NCAPG2: variants seen among roughly 807,000 people sequenced by gnomAD.
NCAPG2 encodes non-SMC condensin II complex subunit G2.
Under a neutral mutation model 141.1 loss-of-function variants are expected in NCAPG2, and 53 were observed. That is an observed-to-expected ratio of 0.38 (90% CI 0.30 to 0.47). The LOEUF (loss-of-function observed/expected upper bound fraction) is 0.47, where lower values mean the gene tolerates loss of function less well. Among genes scored for constraint, NCAPG2 ranks in the 20% least tolerant of loss-of-function variants. NCAPG2 has a pLI of 0.99. For synonymous variants in NCAPG2, 499 were observed against 490.7 expected (o/e 1.02, Z -0.22); for missense variants, 1,087 against 1,389.0 (o/e 0.78, Z 3.46).
intron 15 of NCAPG2, 60 bp from the exon 16 acceptor site, chr7:158,662,427 C>T: frequency 2.1e-6 from 3 of 1,419,148 alleles, no homozygotes; most frequent in Non-Finnish European, 2.8e-6. Flanking sequence ...TAAAAGGTAA[C>T]AGCATCTCAG....
At chr7:158,639,251 G>T (rs1830481887) in intron 27 of NCAPG2, among the ~76,000 whole-genome samples, 1 of 152,098 alleles carries the variant, frequency 6.6e-6, no homozygotes, top group African/African-American at 2.4e-5. Context: ...GGGACCACAG[G>T]TGAGTGCCAC....
chr7:158,642,267 G>A (rs1830700271), intron 27 of NCAPG2, among the ~76,000 whole-genome samples: 1 of 152,198 alleles, frequency 6.6e-6, no homozygotes, highest in East Asian at 1.9e-4. Flanking sequence ...GCCAAACATG[G>A]TGGCTCACAC....
chr7:158,696,508 A>G (rs1040190523), intron 2 of NCAPG2: 2 of 151,770 alleles, frequency 1.3e-5, no homozygotes, highest in Admixed American at 6.5e-5. Flanking sequence ...ACGAACTGAA[A>G]TGTTTAGAGA....
Position 158,656,720 on chromosome 7 carries a change from C to G in NCAPG2, c.2061-15G>C, listed in dbSNP as rs759294133. The stretch of plus-strand genomic sequence containing the variant: ...TCACACCACAGCTGAAAATGTCAGA[C>G]GGAAAATCGGACTGAGTATTTCAAC... On this transcript the variant is annotated splice_polypyrimidine_tract_variant and intron_variant, in intron 17 of 27. Coordinates refer to ENST00000356309, the MANE Select transcript of NCAPG2 (RefSeq NM_017760.7). 1 of 1,611,532 alleles carries G rather than the reference C, an allele frequency of 6.2e-7. No homozygotes were observed. The highest frequency in any genetic ancestry group is 1.1e-5 in the South Asian group (1 of 90,640).
rs140766735 is a variant in NCAPG2, at chr7:158,666,692, C to A, written c.1480-1942G>T. On this transcript the variant is annotated intron_variant, in intron 13 of 27. Transcript: ENST00000356309. ...CTGTAGTCCCAGCAACTCAGGAGAC[C>A]AAGGCAGGAGGATCGCTTGAGGCCA... Among the ~76,000 whole-genome samples, 273 of 151,818 alleles carry A rather than the reference C, an allele frequency of 1.8e-3. 1 individual carries two copies. The highest frequency in any genetic ancestry group is 5.9e-3 in the African/African-American group (246 of 41,388).
chr7:158,704,042 C>T (rs1159934738), intron 1 of NCAPG2, among the ~76,000 whole-genome samples: 1 of 144,696 alleles, frequency 6.9e-6, no homozygotes, highest in African/African-American at 2.6e-5. Flanking sequence ...ACTGAGGGGA[C>T]GCTCTCTGAG....
chr7:158,672,844 C>A (rs1833834079), intron 12 of NCAPG2, among the ~76,000 whole-genome samples: 1 of 152,144 alleles, frequency 6.6e-6, no homozygotes, highest in Non-Finnish European at 1.5e-5. Context: ...CCCTGTAGCC[C>A]CTGCCATAAC....
Position 158,668,233 on chromosome 7 carries a change from C to T in NCAPG2, c.1479+3281G>A, listed in dbSNP as rs200002254. The T allele has an allele frequency of 5.0e-5, 17 of 341,598 alleles. 1 individual carries two copies. In the African/African-American group the frequency reaches 1.7e-3, roughly 34 times the overall value. The allele number at this position is 341,598 out of a possible 1,614,324, so 21.2% of individuals were successfully genotyped here. A position where few individuals can be genotyped will look rare whatever the true frequency, so the allele number is the denominator to read the frequency against. On this transcript the variant is annotated intron_variant, in intron 13 of 27. Transcript: ENST00000356309. ...CGCCCCCCCTTACCCACTACTGGGT[C>T]CCTCTGCCCTCCTTACCCACTACTG...
At chr7:158,691,846 G>A (rs1437222732) in intron 4 of NCAPG2, among the ~76,000 whole-genome samples, 2 of 152,142 alleles carry the variant, frequency 1.3e-5, no homozygotes, top group Non-Finnish European at 2.9e-5. Flanking sequence ...TCTTAGTTAA[G>A]TTGACACTAT....
chr7:158,702,949 T>A (rs1227967151), intron 1 of NCAPG2, among the ~76,000 whole-genome samples: 1 of 152,212 alleles, frequency 6.6e-6, no homozygotes, highest in African/African-American at 2.4e-5. Flanking sequence ...CGTGGTCCCA[T>A]AAGATTATAA....
At chr7:158,671,811 T>A (rs1833703781) in intron 12 of NCAPG2, 145 bp from the exon 13 acceptor site, 2 of 903,696 alleles carry the variant, frequency 2.2e-6, no homozygotes, top group Non-Finnish European at 3.3e-6. Context: ...AAATACCACT[T>A]TTTCTAGAAC....
intron 19 of NCAPG2, among the ~76,000 whole-genome samples, chr7:158,655,977 A>C (rs1180574132): frequency 6.6e-6 from 1 of 152,216 alleles, no homozygotes; most frequent in African/African-American, 2.4e-5. Flanking sequence ...TCTCCTGCAG[A>C]GGGTGTGTTC....
chr7:158,666,223 A>G (rs1236329862), intron 13 of NCAPG2, among the ~76,000 whole-genome samples: 5 of 152,212 alleles, frequency 3.3e-5, no homozygotes, highest in Non-Finnish European at 7.3e-5. Context: ...TATTCTGACC[A>G]GAGAACAACT....
At chr7:158,672,892 T>C (rs1337141197) in intron 12 of NCAPG2, among the ~76,000 whole-genome samples, 1 of 152,220 alleles carries the variant, frequency 6.6e-6, no homozygotes, top group East Asian at 1.9e-4. Context: ...TTCTCTGGTC[T>C]TTCTTCTGTA....
At position 158,656,334 on chromosome 7, in the gene NCAPG2, T is replaced by C. The variant is rs1343354641; in HGVS notation, c.2314A>G (p.Lys772Glu). 1.2e-6 allele frequency: 2 copies of C among 1,614,178 alleles called. No homozygotes were observed. Among genetic ancestry groups the C allele is most frequent in the Admixed American group, 3.3e-5 (2 of 60,020 alleles). The change falls in exon 19 of 28, where the codon AAG becomes GAG. Residue 772 changes from lysine (K) to glutamate (E), a missense_variant. Coordinates refer to ENST00000356309, the MANE Select transcript of NCAPG2 (RefSeq NM_017760.7). ...VYIEYLLTHP[K>E]NRECLLSAPR... ...GCAGAGAGCAAGCACTCGCGGTTCT[T>C]TGGATGAGTCAGCAGATACTCAATG... is the stretch of plus-strand genomic sequence containing the variant.
chr7:158,633,201 C>A lies in NCAPG2; in HGVS notation c.3381-1484G>T, dbSNP rs1829994522. ...TGCTGTTAGGTCTCTCGGGCCTTTTCCCCCAAGTCTATCCCCACCCTCGTG... is the reference window on the plus strand; with the variant it reads ...TGCTGTTAGGTCTCTCGGGCCTTTTACCCCAAGTCTATCCCCACCCTCGTG... On this transcript the variant is annotated intron_variant, in intron 27 of 27. Transcript: ENST00000356309. This position sits in a 1 kb window ranked among gnomAD's most constrained non-coding sequence, Gnocchi z 4.1. Among the ~76,000 whole-genome samples the A allele has an allele frequency of 6.6e-6, 1 of 152,108 alleles. No homozygotes were observed. The highest frequency in any genetic ancestry group is 6.5e-5 in the Admixed American group (1 of 15,272).
chr7:158,635,941 T>G (rs1005451544), intron 27 of NCAPG2, among the ~76,000 whole-genome samples: 1 of 152,248 alleles, frequency 6.6e-6, no homozygotes, highest in East Asian at 1.9e-4. Context: ...TTCCGTTAGA[T>G]TGATTTTTCT....
In NCAPG2 at chr7:158,692,905, CAG is replaced by C; in HGVS notation, c.317_318del (p.Ser106CysfsTer6). The C allele has an allele frequency of 6.3e-7, 1 of 1,595,174 alleles. No individual in the cohort carries two copies. The highest frequency in any genetic ancestry group is 8.6e-7 in the Non-Finnish European group (1 of 1,167,024). On this transcript the variant is annotated frameshift_variant, in exon 4 of 28. Transcript: ENST00000356309. LOFTEE classifies it high-confidence loss of function. ...IYAITSVILASVSVINESENY... is the reference protein window; with the variant it reads ...IYAITSVILAXVSVINESENY... ...TTCTCACTTTCATTTATTACAGACA[CAG>C]AAGCAAGAATCACAGATGTAATTGC...
At chr7:158,671,840 T>C (rs575158389) in intron 12 of NCAPG2, among the ~76,000 whole-genome samples, 174 bp from the exon 13 acceptor site, 1 of 152,364 alleles carries the variant, frequency 6.6e-6, no homozygotes, top group South Asian at 2.1e-4. Flanking sequence ...ATAAAAGGCA[T>C]ACTTTTAATG....
Sources: gnomAD v4.1 joint callset for allele counts (sites outside exome capture counted in the v4.1 genomes callset) on GRCh38, gnomAD v4.1.1 for gene constraint, Gnocchi (gnomAD v3.1) non-coding constraint, MANE v1.5 for transcripts, NCBI Gene and HGNC (gene_info 2026-07-23, HGNC 2026-07-21) for gene names.